CNOT2: variants seen among roughly 807,000 people sequenced by gnomAD.
The protein encoded by CNOT2 is CCR4-NOT transcription complex subunit 2.
CNOT2 carries 7 observed loss-of-function variants against 72.1 expected under a neutral mutation model. That is an observed-to-expected ratio of 0.10 (90% CI 0.06 to 0.18). The LOEUF is 0.18. CNOT2 is among the 10% of genes least tolerant of loss of function. The pLI is 1.00. For synonymous variants in CNOT2, 196 were observed against 225.6 expected (o/e 0.87, Z 1.17); for missense variants, 345 against 660.3 (o/e 0.52, Z 5.23).
intron 2 of CNOT2, among the ~76,000 whole-genome samples, chr12:70,288,418 G>A (rs551298843): frequency 1.7e-4 from 26 of 152,066 alleles, no homozygotes; most frequent in African/African-American, 5.8e-4. Flanking sequence ...TTACAGTGCT[G>A]GGATTACAGG....
intron 2 of CNOT2, among the ~76,000 whole-genome samples, chr12:70,293,278 C>T (rs999778167): frequency 2.0e-5 from 3 of 151,624 alleles, no homozygotes; most frequent in Non-Finnish European, 4.4e-5. Flanking sequence ...CTCCTGCCTC[C>T]GCCTCCCGAG....
chr12:70,249,252 T>G (rs17107865), intron 1 of CNOT2, among the ~76,000 whole-genome samples: 2,356 of 152,032 alleles, frequency 0.015, 64 homozygotes, highest in African/African-American at 0.054. Flanking sequence ...TAAGAATCTT[T>G]CATAGGTCAG....
At chr12:70,285,384 AT>A (rs59359629) in intron 2 of CNOT2, 39,855 of 142,446 alleles carry the variant, frequency 0.28, 5,599 homozygotes, top group Admixed American at 0.44. Flanking sequence ...AATTTTTTGT[AT>A]TTTTTTTTTT....
rs538185020 is a variant in CNOT2 at position 70,302,199 on chromosome 12, T to C, written c.49-8696T>C. Among the ~76,000 whole-genome samples the C allele has an allele frequency of 2.4e-3, 362 of 152,312 alleles. 2 individuals are homozygous for C. The highest frequency in any genetic ancestry group is 8.2e-3 in the African/African-American group (339 of 41,572). Reference sequence around the variant, plus strand: ...TTCATTAATTTTTTTGAAGGGTTTTTTGTGTCTCTATTTCCTTCAGTTCTG... The same window carrying C: ...TTCATTAATTTTTTTGAAGGGTTTTCTGTGTCTCTATTTCCTTCAGTTCTG... On this transcript the variant is annotated intron_variant, in intron 2 of 15. Transcript: ENST00000229195.
chr12:70,321,267 G>T (rs1878251580), intron 4 of CNOT2, among the ~76,000 whole-genome samples: 1 of 151,780 alleles, frequency 6.6e-6, no homozygotes, highest in African/African-American at 2.4e-5. Context: ...GTGTAATTAT[G>T]TTTTTCCAAG....
Position 70,342,250 on chromosome 12 carries a change from T to C in CNOT2, c.1241-8T>C, listed in dbSNP as rs1031111312. The C allele has an allele frequency of 3.7e-6, 6 of 1,613,812 alleles. No homozygotes were observed. Among genetic ancestry groups the C allele is most frequent in the Non-Finnish European group, 5.1e-6 (6 of 1,179,830 alleles). On this transcript the variant is annotated splice_region_variant and splice_polypyrimidine_tract_variant and intron_variant, in intron 12 of 15. Transcript: ENST00000229195. ...AGTTAATAAGGCTTTTTTCATTTTA[T>C]TATCCAGACTTCCATGTTCCATCTG... is the stretch of plus-strand genomic sequence containing the variant.
intron 2 of CNOT2, among the ~76,000 whole-genome samples, chr12:70,298,498 A>G (rs1251256757): frequency 6.6e-6 from 1 of 152,228 alleles, no homozygotes; most frequent in African/African-American, 2.4e-5. Flanking sequence ...GTCCTTAGCT[A>G]CAAAATAGGG....
At chr12:70,285,833 A>G (rs978410861) in intron 2 of CNOT2, among the ~76,000 whole-genome samples, 42 of 152,278 alleles carry the variant, frequency 2.8e-4, no homozygotes, top group Admixed American at 7.8e-4. Flanking sequence ...GTCAACAGGT[A>G]TTCACTGGTA....
chr12:70,305,799 C>G lies in CNOT2; in HGVS notation c.49-5096C>G, dbSNP rs572225604. 2.3e-3 allele frequency among the ~76,000 whole-genome samples: 353 copies of G among 151,216 alleles called. 1 individual carries two copies. Among genetic ancestry groups the G allele is most frequent in the Non-Finnish European group, 4.6e-3 (313 of 67,932 alleles). On this transcript the variant is annotated intron_variant, in intron 2 of 15. Coordinates refer to ENST00000229195, the MANE Select transcript of CNOT2 (RefSeq NM_014515.7). ...TCTTACTTCGTTGGTTCCCTAATTG[C>G]CATTCATCCTGCCTGTATCAGGGAC...
chr12:70,268,632 T>A (rs112320563), intron 1 of CNOT2, among the ~76,000 whole-genome samples: 1 of 152,032 alleles, frequency 6.6e-6, no homozygotes, highest in South Asian at 2.1e-4. Flanking sequence ...AAAAAATTTT[T>A]TTTTTTTTGG....
chr12:70,309,282 A>G (rs1876038986), intron 2 of CNOT2, among the ~76,000 whole-genome samples: 1 of 152,180 alleles, frequency 6.6e-6, no homozygotes, highest in African/African-American at 2.4e-5. Flanking sequence ...ATATCTTTGT[A>G]TATTTCACAC....
At chr12:70,347,706 T>C (rs1882368436) in intron 15 of CNOT2, 1 of 151,730 alleles carries the variant, frequency 6.6e-6, no homozygotes, top group Non-Finnish European at 1.5e-5. Context: ...AATTAAATCT[T>C]TTTTTTTAGA....
At chr12:70,268,492 C>T (rs1959153723) in intron 1 of CNOT2, among the ~76,000 whole-genome samples, 1 of 152,122 alleles carries the variant, frequency 6.6e-6, no homozygotes, top group Admixed American at 6.6e-5. Context: ...TTTTCCCAGG[C>T]TGGAGTGCAG....
At chr12:70,250,710 T>G (rs1432729904) in intron 1 of CNOT2, among the ~76,000 whole-genome samples, 3 of 152,130 alleles carry the variant, frequency 2.0e-5, no homozygotes, top group Admixed American at 2.0e-4. Context: ...TGCAGAAATG[T>G]GGTTGAATGG....
intron 3 of CNOT2, among the ~76,000 whole-genome samples, chr12:70,312,315 A>G (rs1186131845): frequency 6.6e-6 from 1 of 151,936 alleles, no homozygotes; most frequent in African/African-American, 2.4e-5. Flanking sequence ...GAAAACCTAC[A>G]ATTTGTGTGT....
chr12:70,278,809 G>T (rs1869318725), intron 2 of CNOT2, among the ~76,000 whole-genome samples: 1 of 152,120 alleles, frequency 6.6e-6, no homozygotes, highest in African/African-American at 2.4e-5. Flanking sequence ...TAATAAGGTG[G>T]TTAATAATAT....
At chr12:70,262,508 C>G (rs1359196292) in intron 1 of CNOT2, among the ~76,000 whole-genome samples, 1 of 152,192 alleles carries the variant, frequency 6.6e-6, no homozygotes, top group Non-Finnish European at 1.5e-5. Flanking sequence ...ATCTCCTGAC[C>G]TCGTGATCTG....
chr12:70,258,556 T>A (rs1958567513), intron 1 of CNOT2, among the ~76,000 whole-genome samples: 1 of 152,208 alleles, frequency 6.6e-6, no homozygotes, highest in Non-Finnish European at 1.5e-5. Context: ...ATTCATTAAT[T>A]TAACAAATAT....
intron 11 of CNOT2, among the ~76,000 whole-genome samples, chr12:70,339,036 G>A (rs1449732770): frequency 2.0e-5 from 3 of 148,648 alleles, no homozygotes; most frequent in African/African-American, 7.6e-5. Flanking sequence ...GTGTGTGTGT[G>A]TGTGTGTGTG....
Sources: gnomAD v4.1 joint callset for allele counts (sites outside exome capture counted in the v4.1 genomes callset) on GRCh38, gnomAD v4.1.1 for gene constraint, MANE v1.5 for transcripts, NCBI Gene and HGNC (gene_info 2026-07-23, HGNC 2026-07-21) for gene names.